The following ALKBH8 variants were observed in gnomAD, a reference collection of about 807,000 sequenced individuals.
ALKBH8 encodes alkB homolog 8, tRNA methyltransferase, also known as tRNA (carboxymethyluridine(34)-5-O)-methyltransferase ALKBH8.
ALKBH8 carries 36 observed loss-of-function variants against 59.8 expected under a neutral mutation model. That is an observed-to-expected ratio of 0.60 (90% CI 0.46 to 0.79). The LOEUF is 0.79. ALKBH8 is among the 30% of genes least tolerant of loss of function. ALKBH8 has a pLI of 0.00. For missense variants in ALKBH8, 768 were observed against 801.0 expected (o/e 0.96, Z 0.50); for synonymous variants, 276 against 273.6 (o/e 1.01, Z -0.09).
At position 107,502,732 on chromosome 11, in the gene ALKBH8, AAG is replaced by A. The variant is rs527856147; in HGVS notation, c.*1924_*1925del. On this transcript the variant is annotated 3_prime_UTR_variant, in exon 12 of 12. Transcript: ENST00000428149. Reference sequence around the variant, plus strand: ...AATGAGCAGACCAAAAAAAGTCAGTAAGAATATAGATTTTTATTATACAATTA... The same window carrying A: ...AATGAGCAGACCAAAAAAAGTCAGTAAATATAGATTTTTATTATACAATTA... 43 of 152,226 alleles carry A rather than the reference AAG, an allele frequency of 2.8e-4. No individual in the cohort carries two copies. The highest frequency in any genetic ancestry group is 5.0e-4 in the Non-Finnish European group (34 of 68,028). The allele number at this position is 152,226 out of a possible 1,614,324, so 9.4% of individuals were successfully genotyped here. A position where few individuals can be genotyped will look rare whatever the true frequency, so the allele number is the denominator to read the frequency against.
chr11:107,560,989 C>A, intron 1 of ALKBH8, 90 bp from the exon 2 acceptor site: 2 of 1,203,514 alleles, frequency 1.7e-6, no homozygotes, highest in South Asian at 1.9e-5. Flanking sequence ...TATAGTTTAT[C>A]AATATTTCTG....
chr11:107,524,004 T>C (rs1472909256), intron 9 of ALKBH8, among the ~76,000 whole-genome samples: 1 of 152,140 alleles, frequency 6.6e-6, no homozygotes, highest in African/African-American at 2.4e-5. Flanking sequence ...TATATATGTA[T>C]TTTAAAACAT....
intron 3 of ALKBH8, among the ~76,000 whole-genome samples, chr11:107,556,293 T>A (rs627103): frequency 0.82 from 123,172 of 151,082 alleles, 50,748 homozygotes; most frequent in Non-Finnish European, 0.88. Flanking sequence ...AGCAAAAAAA[T>A]AAATAAATAA....
chr11:107,553,879 A>C lies in ALKBH8; in HGVS notation c.467T>G (p.Val156Gly), dbSNP rs998469286. ...ATTGTCTGTATCTTCTGTCCAATCAACACTTTCCAAAAGCATTTTCTCCTC... is the reference window on the plus strand; with the variant it reads ...ATTGTCTGTATCTTCTGTCCAATCACCACTTTCCAAAAGCATTTTCTCCTC... The part of the protein sequence containing the change: ...SEEEKMLLES[V>G]DWTEDTDNQN... Residue 156 changes from valine (V) to glycine (G), a missense_variant, in exon 4 of 12, where the codon GTT becomes GGT. By Grantham distance (109) the Val-to-Gly change is moderately radical (BLOSUM62 -3). Transcript: ENST00000428149. 6.8e-6 allele frequency: 11 copies of C among 1,613,718 alleles called. No individual in the cohort carries two copies. Among genetic ancestry groups the C allele is most frequent in the African/African-American group, 1.3e-5 (1 of 75,020 alleles).
chr11:107,524,027 G>A (rs1238291000), intron 9 of ALKBH8, among the ~76,000 whole-genome samples: 2 of 152,046 alleles, frequency 1.3e-5, no homozygotes, highest in African/African-American at 2.4e-5. Flanking sequence ...TGTTGTACAT[G>A]ATAAACATTT....
chr11:107,532,084 G>T (rs1863618196), intron 8 of ALKBH8, among the ~76,000 whole-genome samples: 1 of 152,168 alleles, frequency 6.6e-6, no homozygotes, highest in Non-Finnish European at 1.5e-5. Flanking sequence ...GGTGAAGGGA[G>T]TTCACTGTAC....
rs193070469 is a variant in ALKBH8, at chr11:107,509,500, T to C, written c.1437+1387A>G. Among the ~76,000 whole-genome samples, 843 of 152,300 alleles carry C rather than the reference T, an allele frequency of 5.5e-3. 8 individuals carry two copies. The highest frequency in any genetic ancestry group is 0.019 in the African/African-American group (792 of 41,572). ...TTGTTTGATGTACAAGTTTTTAATT[T>C]TGATGGTCTAATTTATCTATTTTTT... On this transcript the variant is annotated intron_variant, in intron 11 of 11. Transcript: ENST00000428149.
intron 10 of ALKBH8, among the ~76,000 whole-genome samples, chr11:107,515,618 A>G (rs1345401529): frequency 6.6e-6 from 1 of 152,122 alleles, no homozygotes; most frequent in Non-Finnish European, 1.5e-5. Context: ...CGGCCTCTCA[A>G]AGTGCTAGGA....
intron 7 of ALKBH8, among the ~76,000 whole-genome samples, chr11:107,540,513 A>T (rs1353684917): frequency 2.0e-5 from 3 of 152,244 alleles, no homozygotes; most frequent in Non-Finnish European, 4.4e-5. Context: ...ATAACTGGAA[A>T]ATCAGCTAAA....
chr11:107,535,986 A>G (rs1293357146), intron 7 of ALKBH8, among the ~76,000 whole-genome samples: 1 of 152,232 alleles, frequency 6.6e-6, no homozygotes, highest in Non-Finnish European at 1.5e-5. Flanking sequence ...AGTTCAGCCT[A>G]AAGGTTCTTC....
Position 107,505,169 on chromosome 11 carries a change from G to C in ALKBH8, c.1484C>G (p.Pro495Arg). The stretch of plus-strand genomic sequence containing the variant: ...GACATAAATGAGTGCCTTCCCACCT[G>C]GTCTCAGGAGTCGAACAATTTCTTG... Reference protein sequence around the residue: ...ALQEIVRLLRPGGKALIYVWA... With the variant: ...ALQEIVRLLRRGGKALIYVWA... Residue 495 changes from proline to arginine, a missense_variant, in exon 12 of 12, where the codon CCA becomes CGA. Pro to Arg is a moderately radical substitution (Grantham distance 103). Transcript: ENST00000428149. The C allele has an allele frequency of 6.5e-7, 1 of 1,549,950 alleles. No homozygotes were observed. Among genetic ancestry groups the C allele is most frequent in the South Asian group, 1.2e-5 (1 of 83,942 alleles).
At chr11:107,511,111 A>T in intron 10 of ALKBH8, 75 bp from the exon 11 acceptor site, 2 of 1,443,276 alleles carry the variant, frequency 1.4e-6, no homozygotes, top group Non-Finnish European at 1.9e-6. Context: ...CTTATTCCAT[A>T]CCTTAAAGTC....
intron 6 of ALKBH8, among the ~76,000 whole-genome samples, chr11:107,550,749 C>T (rs756314811): frequency 8.5e-5 from 13 of 152,214 alleles, no homozygotes; most frequent in Middle Eastern, 3.4e-3. Context: ...AAATTAAAGA[C>T]GTCATAAGTG....
Position 107,549,800 on chromosome 11 carries a change from G to C in ALKBH8, c.724C>G (p.His242Asp). 6.5e-7 allele frequency: 1 copy of C among 1,550,156 alleles called. No homozygotes were observed. Among genetic ancestry groups the C allele is most frequent in the Non-Finnish European group, 8.7e-7 (1 of 1,145,782 alleles). ...ACGATCTCATCCTCAAAAGCGGAAT[G>C]TGTATCAATATGAGCGGGAATTCCT... Reference protein sequence around the residue: ...GQGIPAHIDTHSAFEDEIVSL... With the variant: ...GQGIPAHIDTDSAFEDEIVSL... Residue 242 changes from histidine to aspartate, a missense_variant, in exon 7 of 12, where the codon CAT becomes GAT. By Grantham distance (81) the His-to-Asp change is moderately conservative (BLOSUM62 -1). Coordinates refer to ENST00000428149, the MANE Select transcript of ALKBH8 (RefSeq NM_138775.3).
intron 3 of ALKBH8, among the ~76,000 whole-genome samples, chr11:107,554,509 TAGGTA>T (rs1240058749): frequency 6.6e-6 from 1 of 152,086 alleles, no homozygotes; most frequent in Non-Finnish European, 1.5e-5. Flanking sequence ...AAGTTTCAGA[TAGGTA>T]TAGCTCTAGA....
Position 107,511,034 on chromosome 11 carries a change from A to T in ALKBH8, c.1290T>A (p.Ile430=), listed in dbSNP as rs1373784798. The change falls in exon 11 of 12, where the codon ATT becomes ATA. Residue 430 remains isoleucine, a splice_region_variant and synonymous_variant. Coordinates refer to ENST00000428149, the MANE Select transcript of ALKBH8 (RefSeq NM_138775.3). The part of the protein sequence containing the change: ...YLGINKELYM[I]GCDRSQNLVD... ...CAAGGTTTTGGCTACGATCACAACCAATCTGTAACAGAGAAGGAATTCCAT... is the reference window on the plus strand; with the variant it reads ...CAAGGTTTTGGCTACGATCACAACCTATCTGTAACAGAGAAGGAATTCCAT... The T allele has an allele frequency of 1.3e-6, 2 of 1,550,982 alleles. No individual in the cohort carries two copies. The highest frequency in any genetic ancestry group is 1.4e-5 in the African/African-American group (1 of 73,008).
chr11:107,537,300 A>T (rs1863857718), intron 7 of ALKBH8, among the ~76,000 whole-genome samples: 3 of 152,258 alleles, frequency 2.0e-5, no homozygotes, highest in African/African-American at 2.4e-5. Flanking sequence ...ACATGGAATC[A>T]ATGTAAATGC....
chr11:107,529,279 G>T (rs1332968455), intron 8 of ALKBH8, among the ~76,000 whole-genome samples: 2 of 152,116 alleles, frequency 1.3e-5, no homozygotes, highest in Non-Finnish European at 2.9e-5. Context: ...TTAGAACAAT[G>T]CCTGGCACAA....
intron 1 of ALKBH8, chr11:107,562,565 A>G (rs1351422287): frequency 1.3e-5 from 2 of 152,110 alleles, no homozygotes; most frequent in Admixed American, 1.3e-4. Flanking sequence ...GGGGTTAAAT[A>G]AAATCTTATT....
Sources: allele counts gnomAD v4.1 joint callset (sites outside exome capture counted in the v4.1 genomes callset), GRCh38; gene constraint gnomAD v4.1.1; transcripts MANE v1.5; gene names NCBI Gene and HGNC (gene_info 2026-07-23, HGNC 2026-07-21).